AARS2: variants seen among roughly 807,000 people sequenced by gnomAD.
AARS2 encodes alanine--tRNA ligase, mitochondrial.
In AARS2, 78 loss-of-function variants were observed where a neutral mutation model predicts 119.7. The observed-to-expected ratio is 0.65, with a 90% CI of 0.54 to 0.79. The LOEUF (loss-of-function observed/expected upper bound fraction) is 0.79. Among genes scored for constraint, AARS2 ranks in the 30% least tolerant of loss-of-function variants. AARS2 has a pLI of 0.00. For synonymous variants in AARS2, 502 were observed against 526.3 expected (o/e 0.95, Z 0.63); for missense variants, 1,157 against 1,291.3 (o/e 0.90, Z 1.59).
rs1430360402 is a variant in AARS2, at chr6:44,313,156, G to C, written c.168C>G (p.His56Gln). ...FLNFFRDRHG[H>Q]RLVPSASVRP... is the part of the protein sequence containing the mutation. ...GCACGGAAGCGGAGGGCACCAGCCG[G>C]TGGCCATGGCGGTCCCGAAAGAAGT... Residue 56 changes from histidine to glutamine, a missense_variant, in exon 1 of 22, where the codon CAC becomes CAG. By Grantham distance (24) the His-to-Gln change is conservative (BLOSUM62 0). Coordinates refer to ENST00000244571, the MANE Select transcript of AARS2 (RefSeq NM_020745.4). 1.2e-6 allele frequency: 2 copies of C among 1,613,074 alleles called. No homozygotes were observed. The highest frequency in any genetic ancestry group is 1.7e-6 in the Non-Finnish European group (2 of 1,179,792).
rs1785528267 is a variant in AARS2 at position 44,303,357 on chromosome 6, C to T, written c.2074G>A (p.Glu692Lys). Residue 692 changes from glutamate to lysine, a missense_variant, in exon 15 of 22, where the codon GAG becomes AAG. Transcript: ENST00000244571. ...NTVQEAVGQD[E>K]AVYMEEVPLA... ...GGCACCTCCTCCATGTACACAGCCT[C>T]ATCCTGCCCCACGGCCTCCTGCACA... The T allele has an allele frequency of 6.2e-7, 1 of 1,614,062 alleles. No homozygotes were observed. Among genetic ancestry groups the T allele is most frequent in the Non-Finnish European group, 8.5e-7 (1 of 1,180,034 alleles).
intron 1 of AARS2, 74 bp downstream of exon 1, chr6:44,313,007 G>A: frequency 1.9e-6 from 3 of 1,595,440 alleles, no homozygotes; most frequent in Admixed American, 1.7e-5. Flanking sequence ...CGCTTCTTTT[G>A]CCCAATCCTG....
chr6:44,301,923 C>A, intron 19 of AARS2, 137 bp downstream of exon 19: 1 of 850,812 alleles, frequency 1.2e-6, no homozygotes, highest in Non-Finnish European at 1.9e-6. Context: ...TGGTTCTCAG[C>A]TGGCAGGAGA....
At position 44,302,053 on chromosome 6, in the gene AARS2, C is replaced by A. The variant is rs565737845; in HGVS notation, c.2598+7G>T. 3 of 1,613,836 alleles carry A rather than the reference C, an allele frequency of 1.9e-6. No homozygotes were observed. The highest frequency in any genetic ancestry group is 2.5e-6 in the Non-Finnish European group (3 of 1,179,886). On this transcript the variant is annotated splice_region_variant and intron_variant, in intron 19 of 21. Coordinates refer to ENST00000244571, the MANE Select transcript of AARS2 (RefSeq NM_020745.4). ...GGGCACATGGGTGCAGCCAAACCTCCTCTCACCTGTCCCATTTGCAGCTTA... is the reference window on the plus strand; with the variant it reads ...GGGCACATGGGTGCAGCCAAACCTCATCTCACCTGTCCCATTTGCAGCTTA...
chr6:44,301,023 T>C (rs1040182298), intron 21 of AARS2, 133 bp downstream of exon 21: 9 of 866,366 alleles, frequency 1.0e-5, no homozygotes, highest in African/African-American at 6.8e-5. Flanking sequence ...TCCCCATCCC[T>C]GTCCTGGAGT....
Position 44,307,593 on chromosome 6 carries a change from C to A in AARS2, c.895-199G>T. ...CTCACGGGGCTCATATTTGGTGCTA[C>A]AAGTGAACATATCTGTGACCATTTA... is the stretch of plus-strand genomic sequence containing the variant. On this transcript the variant is annotated intron_variant, in intron 5 of 21. Coordinates refer to ENST00000244571, the MANE Select transcript of AARS2 (RefSeq NM_020745.4). This position sits in a 1 kb window ranked among gnomAD's most constrained non-coding sequence, Gnocchi z 4.4. The A allele has an allele frequency of 1.5e-6, 1 of 649,712 alleles. No homozygotes were observed. The highest frequency in any genetic ancestry group is 2.6e-6 in the Non-Finnish European group (1 of 377,448). The allele number at this position is 649,712 out of a possible 1,614,324, so 40.2% of individuals were successfully genotyped here.
Position 44,302,057 on chromosome 6 carries a change from C to T in AARS2, c.2598+3G>A, listed in dbSNP as rs1000944121. The T allele has an allele frequency of 1.2e-6, 2 of 1,613,986 alleles. No homozygotes were observed. Among genetic ancestry groups the T allele is most frequent in the Middle Eastern group, 1.6e-4 (1 of 6,062 alleles). On this transcript the variant is annotated splice_donor_region_variant and intron_variant, in intron 19 of 21. Transcript: ENST00000244571. ...ACATGGGTGCAGCCAAACCTCCTCT[C>T]ACCTGTCCCATTTGCAGCTTACGGA... is the stretch of plus-strand genomic sequence containing the variant.
At position 44,301,646 on chromosome 6, in the gene AARS2, CAT is replaced by C. The variant is rs934502514; in HGVS notation, c.2599-184_2599-183del. 6.3e-4 allele frequency among the ~76,000 whole-genome samples: 96 copies of C among 152,160 alleles called. 2 individuals carry two copies. The highest frequency in any genetic ancestry group is 1.8e-4 in the Non-Finnish European group (12 of 68,016). On this transcript the variant is annotated intron_variant, in intron 19 of 21. Transcript: ENST00000244571. ...AGGGTGGCCTCCTTTTTGGGTCCCA[CAT>C]GTGTCCTTCCTCACTTCCCTCACCA...
In AARS2 at chr6:44,312,174, A is replaced by T. The variant is rs527607137; in HGVS notation, c.333T>A (p.Ala111=). 8 of 1,614,262 alleles carry T rather than the reference A, an allele frequency of 5.0e-6. No individual in the cohort carries two copies. The South Asian group carries it at 8.8e-5, about 18-fold the overall frequency. Residue 111 remains alanine (A), a synonymous_variant, in exon 2 of 22, where the codon GCT becomes GCA. Transcript: ENST00000244571. ...RVANSQKCVR[A]GGHHNDLEDV... ...CTTCCAGGTCGTTATGGTGTCCTCC[A>T]GCTCTCACACATTTCTGGCTGTTGG...
chr6:44,306,307 T>A lies in AARS2; in HGVS notation c.1273A>T (p.Thr425Ser). 1 of 1,614,056 alleles carries A rather than the reference T, an allele frequency of 6.2e-7. No homozygotes were observed. The highest frequency in any genetic ancestry group is 1.1e-5 in the South Asian group (1 of 91,072). The change falls in exon 9 of 22, where the codon ACC becomes TCC. Residue 425 changes from threonine (T) to serine (S), a missense_variant. By Grantham distance (58) the Thr-to-Ser change is moderately conservative (BLOSUM62 1). Coordinates refer to ENST00000244571, the MANE Select transcript of AARS2 (RefSeq NM_020745.4). The stretch of plus-strand genomic sequence containing the variant: ...GGGAACATATCTGAAGGCCCCAGGG[T>A]CCTCAGAGTCCGATCAATGATCCGC... ...GRRIIDRTLRTLGPSDMFPAE... is the reference protein window; with the variant it reads ...GRRIIDRTLRSLGPSDMFPAE...
Position 44,305,810 on chromosome 6 carries a change from T to G in AARS2, c.1301-24A>C, listed in dbSNP as rs1353692079. 1 of 1,613,258 alleles carries G rather than the reference T, an allele frequency of 6.2e-7. No homozygotes were observed. Among genetic ancestry groups the G allele is most frequent in the South Asian group, 1.1e-5 (1 of 91,050 alleles). On this transcript the variant is annotated intron_variant, in intron 9 of 21. Transcript: ENST00000244571. The surrounding 1 kb of genome is among the most constrained non-coding windows in gnomAD (Gnocchi z 4.6). The stretch of plus-strand genomic sequence containing the variant: ...AGCTTTGAGAAAGAAAGACAAAGAA[T>G]GTTGAGGAGGGGAGGGATTAGACAA...
rs560147400 is a variant in AARS2, at chr6:44,298,863, G to T, written c.*1684C>A. 6.6e-6 allele frequency among the ~76,000 whole-genome samples: 1 copy of T among 151,660 alleles called. No homozygotes were observed. The highest frequency in any genetic ancestry group is 6.6e-5 in the Admixed American group (1 of 15,194). ...AAAGGCAGAGGTCCAAAGTCTGGCT[G>T]TCTGAGGTGGACTCATTCTGGTAGG... On this transcript the variant is annotated 3_prime_UTR_variant, in exon 22 of 22. Transcript: ENST00000244571.
At position 44,313,267 on chromosome 6, in the gene AARS2, C is replaced by A. The variant is rs1049916671; in HGVS notation, c.57G>T (p.Ser19=). Residue 19 remains serine, a synonymous_variant, in exon 1 of 22, where the codon TCG becomes TCT. Transcript: ENST00000244571. ...ARRLRRAIRR[S]PAWRGLSHRP... ...GATGGCTGAGGCCCCGCCATGCGGGCGACCTTCGAATGGCCCGCCGCAGCC... is the reference window on the plus strand; with the variant it reads ...GATGGCTGAGGCCCCGCCATGCGGGAGACCTTCGAATGGCCCGCCGCAGCC... 1 of 1,597,048 alleles carries A rather than the reference C, an allele frequency of 6.3e-7. No individual in the cohort carries two copies. The highest frequency in any genetic ancestry group is 1.7e-5 in the Admixed American group (1 of 58,290).
At chr6:44,306,146 G>T in intron 9 of AARS2, 134 bp downstream of exon 9, 1 of 894,480 alleles carries the variant, frequency 1.1e-6, no homozygotes, top group Non-Finnish European at 1.8e-6. Flanking sequence ...TGGAAGGAGA[G>T]TCCAGGGAGA....
intron 11 of AARS2, 44 bp from the exon 12 acceptor site, chr6:44,304,861 G>A (rs1177476295): frequency 1.2e-6 from 2 of 1,613,416 alleles, no homozygotes; most frequent in East Asian, 2.2e-5. Context: ...CAGGGGCTGG[G>A]GACGTGAAGG....
rs906548520 is a variant in AARS2 at position 44,312,280 on chromosome 6, T to C, written c.244-17A>G. 2 of 1,610,472 alleles carry C rather than the reference T, an allele frequency of 1.2e-6. No homozygotes were observed. The highest frequency in any genetic ancestry group is 2.7e-5 in the African/African-American group (2 of 74,372). On this transcript the variant is annotated splice_polypyrimidine_tract_variant and intron_variant, in intron 1 of 21. Coordinates refer to ENST00000244571, the MANE Select transcript of AARS2 (RefSeq NM_020745.4). The stretch of plus-strand genomic sequence containing the variant: ...TGGCTTGAACTGGAAGCACATAGAG[T>C]GGGGAGGGGGAGAGGGATATCCAAT...
At position 44,301,186 on chromosome 6, in the gene AARS2, C is replaced by A; in HGVS notation, c.2763G>T (p.Gly921=). Residue 921 remains glycine (G), a synonymous_variant, in exon 21 of 22, where the codon GGG becomes GGT. Transcript: ENST00000244571. The part of the protein sequence containing the change: ...SVLLLSPQPM[G]KVLCACQVAQ... ...CCACCTGACAGGCACACAGCACCTT[C>A]CCCATGGGCTGGGGGCTGAGTAGGA... The A allele has an allele frequency of 6.2e-7, 1 of 1,613,736 alleles. No homozygotes were observed. Among genetic ancestry groups the A allele is most frequent in the South Asian group, 1.1e-5 (1 of 91,072 alleles).
In AARS2 at chr6:44,300,561, G is replaced by T. The variant is rs766633645; in HGVS notation, c.2944C>A (p.Leu982Ile). Reference sequence around the variant, plus strand: ...GCGGACCTGGGTCAGAGCTGGCTGAGGGCATAGGTTTGGGCTATACTGAGG... The same window carrying T: ...GCGGACCTGGGTCAGAGCTGGCTGATGGCATAGGTTTGGGCTATACTGAGG... ...AALSIAQTYA[L>I]SQL is the part of the protein sequence containing the mutation. The change falls in exon 22 of 22, where the codon CTC becomes ATC. Residue 982 changes from leucine to isoleucine, a missense_variant. Physicochemically the swap from Leu to Ile is conservative, Grantham distance 5. Coordinates refer to ENST00000244571, the MANE Select transcript of AARS2 (RefSeq NM_020745.4). The T allele has an allele frequency of 6.2e-7, 1 of 1,614,064 alleles. No homozygotes were observed. The highest frequency in any genetic ancestry group is 8.5e-7 in the Non-Finnish European group (1 of 1,180,034).
Position 44,300,397 on chromosome 6 carries a change from A to G in AARS2, c.*150T>C. The G allele has an allele frequency of 9.0e-7, 1 of 1,113,460 alleles. No homozygotes were observed. The highest frequency in any genetic ancestry group is 1.3e-6 in the Non-Finnish European group (1 of 745,744). The allele number at this position is 1,113,460 out of a possible 1,614,324, so 69.0% of individuals were successfully genotyped here. A position where few individuals can be genotyped will look rare whatever the true frequency, so the allele number is the denominator to read the frequency against. The stretch of plus-strand genomic sequence containing the variant: ...TCCCTAGCCCATGTCTCCTTGTGTC[A>G]CGTAGGCCCTGGCCCAGGTGATCTT... On this transcript the variant is annotated 3_prime_UTR_variant, in exon 22 of 22. Transcript: ENST00000244571.
Sources: allele counts gnomAD v4.1 joint callset (sites outside exome capture counted in the v4.1 genomes callset), GRCh38; gene constraint gnomAD v4.1.1; non-coding constraint Gnocchi (gnomAD v3.1); transcripts MANE v1.5; gene names NCBI Gene and HGNC (gene_info 2026-07-23, HGNC 2026-07-21).